Variants in DNAH2 observed in about 807,000 individuals in gnomAD.
The protein encoded by DNAH2 is axonemal beta dynein heavy chain 2.
DNAH2 carries 323 observed loss-of-function variants against 523.5 expected under a neutral mutation model. The observed-to-expected ratio is 0.62, with a 90% confidence interval of 0.56 to 0.68. DNAH2 has a LOEUF of 0.68. Ranked by LOEUF, DNAH2 falls within the 30% of genes least tolerant of loss-of-function variation. The probability of loss-of-function intolerance (pLI) is 0.00; values close to 1 mark genes in which losing one functional copy is unlikely to be tolerated. For synonymous variants in DNAH2, 2,093 were observed against 2,177.4 expected, an observed-to-expected ratio of 0.96 and a Z score of 1.08; for missense variants, 4,907 against 5,701.5, an observed-to-expected ratio of 0.86 and a Z score of 4.49.
rs375589409 is a variant in DNAH2, at chr17:7,764,045, C to T, written c.3179+14C>T. ...GAACGCAGAGAAGTGCGGGCTGGGG[C>T]GCCCCACAGGAAGGGGGCAGGGGCA... On this transcript the variant is annotated intron_variant, in intron 19 of 85. Coordinates refer to ENST00000572933, the MANE Select transcript of DNAH2 (RefSeq NM_020877.5). 190 of 1,614,000 alleles carry T rather than the reference C, an allele frequency of 1.2e-4. No individual in the cohort carries two copies. Among genetic ancestry groups the T allele is most frequent in the Middle Eastern group, 4.9e-4 (3 of 6,080 alleles).
At chr17:7,823,344 A>C (rs1369239456) in intron 73 of DNAH2, 98 bp from the exon 74 acceptor site, 2 of 1,130,354 alleles carry the variant, frequency 1.8e-6, no homozygotes, top group African/African-American at 1.9e-5. Flanking sequence ...AGAGAGAAAA[A>C]TACAGAGAGA....
intron 8 of DNAH2, 85 bp downstream of exon 8, chr17:7,737,343 T>C: frequency 1.4e-6 from 2 of 1,428,026 alleles, no homozygotes; most frequent in South Asian, 1.3e-5. Flanking sequence ...CGGCAGAGGA[T>C]CTGTGGTTGA....
intron 24 of DNAH2, among the ~76,000 whole-genome samples, chr17:7,768,708 C>T (rs993121715): frequency 2.6e-5 from 4 of 152,160 alleles, no homozygotes; most frequent in Non-Finnish European, 4.4e-5. Context: ...ACCTACCACC[C>T]CCAGCCCCTG....
chr17:7,748,030 G>A (rs1320952116), intron 12 of DNAH2, among the ~76,000 whole-genome samples: 2 of 152,172 alleles, frequency 1.3e-5, no homozygotes, highest in South Asian at 2.1e-4. Context: ...GATGTTCCTC[G>A]GAATTACCTG....
intron 63 of DNAH2, among the ~76,000 whole-genome samples, chr17:7,812,859 C>G (rs2151313851): frequency 7.0e-6 from 1 of 143,604 alleles, no homozygotes; most frequent in South Asian, 2.3e-4. Context: ...AGGAGAATCA[C>G]TTGAACCCGG....
chr17:7,807,454 G>A lies in DNAH2; in HGVS notation c.9613-16G>A. The A allele has an allele frequency of 1.2e-6, 2 of 1,612,722 alleles. No homozygotes were observed. The highest frequency in any genetic ancestry group is 1.7e-6 in the Non-Finnish European group (2 of 1,179,820). Reference sequence around the variant, plus strand: ...GGTTGGTGGGCGACTCCCACAGCCTGACTGTCTCCCCACAGCTGTATGGGC... The same window carrying A: ...GGTTGGTGGGCGACTCCCACAGCCTAACTGTCTCCCCACAGCTGTATGGGC... On this transcript the variant is annotated splice_polypyrimidine_tract_variant and intron_variant, in intron 62 of 85. Transcript: ENST00000572933. The surrounding 1 kb of genome is among the most constrained non-coding windows in gnomAD (Gnocchi z 5.6).
chr17:7,751,946 T>C (rs948228556), intron 12 of DNAH2, among the ~76,000 whole-genome samples: 1 of 150,012 alleles, frequency 6.7e-6, no homozygotes. Context: ...TGTGTGTGTG[T>C]GCGTGTTTTG....
intron 63 of DNAH2, among the ~76,000 whole-genome samples, chr17:7,812,712 G>C (rs1268293998): frequency 1.4e-5 from 2 of 141,568 alleles, no homozygotes; most frequent in African/African-American, 5.2e-5. Context: ...CCCAAGGTCA[G>C]GAGTTTGAGA....
chr17:7,791,441 T>C lies in DNAH2; in HGVS notation c.6901-476T>C, dbSNP rs562611233. Among the ~76,000 whole-genome samples the C allele has an allele frequency of 3.3e-5, 5 of 152,344 alleles. 1 individual carries two copies. Among genetic ancestry groups the C allele is most frequent in the Non-Finnish European group, 7.3e-5 (5 of 68,038 alleles). ...CAACATGTCCGTTAAATTAACAATA[T>C]GTTTTTGAGTTCTGTATTACTACAC... On this transcript the variant is annotated intron_variant, in intron 44 of 85. Transcript: ENST00000572933.
At chr17:7,743,874 C>T (rs2075435296) in intron 12 of DNAH2, 1 of 152,772 alleles carries the variant, frequency 6.5e-6, no homozygotes, top group Non-Finnish European at 1.5e-5. Flanking sequence ...AATCAATTAA[C>T]TAATTTATTA....
chr17:7,776,267 A>G (rs2076450372), intron 31 of DNAH2, 118 bp downstream of exon 31: 1 of 1,236,882 alleles, frequency 8.1e-7, no homozygotes, highest in Non-Finnish European at 1.1e-6. Context: ...GGAGTTCAAG[A>G]CCAGCCTGGC....
Position 7,765,666 on chromosome 17 carries a change from AG to A in DNAH2, c.3511+104del, listed in dbSNP as rs1597585557. 3 of 1,334,726 alleles carry A rather than the reference AG, an allele frequency of 2.2e-6. No homozygotes were observed. The East Asian group carries it at 7.6e-5, about 34-fold the overall frequency. 82.7% of individuals were successfully genotyped at this position (1,334,726 alleles called of 1,614,324 possible). On this transcript the variant is annotated intron_variant, in intron 21 of 85. Coordinates refer to ENST00000572933, the MANE Select transcript of DNAH2 (RefSeq NM_020877.5). ...AGGCGAGAACTGGGAGGGGAGGAGG[AG>A]GGTCGGTGCTGGGGTGGGGGAAGAG... is the stretch of plus-strand genomic sequence containing the variant.
intron 57 of DNAH2, 71 bp from the exon 58 acceptor site, chr17:7,801,807 C>G (rs1597711488): frequency 1.9e-6 from 3 of 1,610,380 alleles, no homozygotes; most frequent in East Asian, 4.5e-5. Context: ...CTTCCCGCCT[C>G]TCATCGCACT....
At position 7,758,564 on chromosome 17, in the gene DNAH2, G is replaced by A. The variant is rs372071139; in HGVS notation, c.2121G>A (p.Lys707=). The part of the protein sequence containing the change: ...FKERIRLLDK[K]IHPGLKKLHW... Reference sequence around the variant, plus strand: ...AGCGTATTCGGCTCCTGGATAAGAAGATCCACCCGGGACTCAAGAAACTGC... The same window carrying A: ...AGCGTATTCGGCTCCTGGATAAGAAAATCCACCCGGGACTCAAGAAACTGC... The change falls in exon 14 of 86, where the codon AAG becomes AAA. Residue 707 remains lysine, a synonymous_variant. Transcript: ENST00000572933. The A allele has an allele frequency of 1.9e-6, 3 of 1,614,134 alleles. No homozygotes were observed. In the Admixed American group the frequency reaches 5.0e-5, roughly 27 times the overall value.
chr17:7,742,860 C>A lies in DNAH2; in HGVS notation c.1690-68C>A. 7 of 1,217,058 alleles carry A rather than the reference C, an allele frequency of 5.8e-6. No homozygotes were observed. The Admixed American group carries it at 2.0e-4, about 34-fold the overall frequency. The allele number at this position is 1,217,058 out of a possible 1,614,324, so 75.4% of individuals were successfully genotyped here. ...TGCGCATGCGCGCATGTGTAGGTCT[C>A]AGGGAGATGGTGGCCCCTGGAGGAA... On this transcript the variant is annotated intron_variant, in intron 11 of 85. Coordinates refer to ENST00000572933, the MANE Select transcript of DNAH2 (RefSeq NM_020877.5).
chr17:7,798,821 GC>G lies in DNAH2; in HGVS notation c.8559+105del. ...AATGTGCCACTGGCACACCCCCACT[GC>G]CACACCCCCACTGCCCACCTCAGCC... is the stretch of plus-strand genomic sequence containing the variant. On this transcript the variant is annotated intron_variant, in intron 55 of 85. Transcript: ENST00000572933. The surrounding 1 kb of genome is among the most constrained non-coding windows in gnomAD (Gnocchi z 5.5). The G allele has an allele frequency of 1.3e-6, 1 of 756,908 alleles. No homozygotes were observed. The highest frequency in any genetic ancestry group is 2.0e-6 in the Non-Finnish European group (1 of 510,310). 46.9% of individuals were successfully genotyped at this position (756,908 alleles called of 1,614,324 possible).
At chr17:7,808,208 TA>T (rs1416744950) in intron 63 of DNAH2, among the ~76,000 whole-genome samples, 1 of 152,050 alleles carries the variant, frequency 6.6e-6, no homozygotes, top group Non-Finnish European at 1.5e-5. Flanking sequence ...CTATCTCTAC[TA>T]AAAATACAAA....
intron 8 of DNAH2, among the ~76,000 whole-genome samples, chr17:7,737,764 G>T (rs1298768177): frequency 2.6e-5 from 4 of 152,160 alleles, no homozygotes; most frequent in African/African-American, 9.7e-5. Flanking sequence ...GGCAGAGTAA[G>T]GGGCCACCTA....
intron 4 of DNAH2, among the ~76,000 whole-genome samples, chr17:7,731,981 A>G (rs911823606): frequency 6.6e-6 from 1 of 150,666 alleles, no homozygotes; most frequent in Non-Finnish European, 1.5e-5. Context: ...GTGAGCTGAG[A>G]TCATGCCATC....
Sources: gnomAD v4.1 joint callset for allele counts (sites outside exome capture counted in the v4.1 genomes callset) on GRCh38, gnomAD v4.1.1 for gene constraint, Gnocchi (gnomAD v3.1) non-coding constraint, MANE v1.5 for transcripts, NCBI Gene and HGNC (gene_info 2026-07-23, HGNC 2026-07-21) for gene names.